Variants in MOB1A observed in about 807,000 individuals in gnomAD.
The protein encoded by MOB1A is MOB kinase activator 1A.
MOB1A carries 10 observed loss-of-function variants against 25.1 expected under a neutral mutation model. The ratio of observed to expected loss-of-function variants is 0.40; its 90% confidence interval spans 0.25 to 0.68. The LOEUF (loss-of-function observed/expected upper bound fraction) is 0.68. Among genes scored for constraint, MOB1A ranks in the 30% least tolerant of loss-of-function variants. MOB1A has a pLI of 0.40. For missense variants in MOB1A, 177 were observed against 256.3 expected (o/e 0.69, Z 2.11); for synonymous variants, 81 against 79.5 (o/e 1.02, Z -0.10).
intron 3 of MOB1A, 134 bp downstream of exon 3, chr2:74,166,880 G>A (rs1379983183): frequency 3.2e-6 from 2 of 618,282 alleles, no homozygotes; most frequent in South Asian, 4.3e-5. Context: ...AAAGCTTACA[G>A]GTGAGTAGTC....
At chr2:74,177,804 A>T (rs1324146097) in intron 1 of MOB1A, among the ~76,000 whole-genome samples, 1 of 152,216 alleles carries the variant, frequency 6.6e-6, no homozygotes, top group Non-Finnish European at 1.5e-5. Flanking sequence ...GTAGAGAGAG[A>T]CACCTGAGAA....
At chr2:74,174,147 T>C (rs555341475) in intron 1 of MOB1A, among the ~76,000 whole-genome samples, 1 of 150,842 alleles carries the variant, frequency 6.6e-6, no homozygotes, top group East Asian at 2.0e-4. Flanking sequence ...GGCACACGCC[T>C]GTAGTCCCAG....
At chr2:74,170,258 C>T (rs544118604) in intron 2 of MOB1A, among the ~76,000 whole-genome samples, 5 of 151,898 alleles carry the variant, frequency 3.3e-5, no homozygotes, top group Admixed American at 3.3e-4. Context: ...CCTGCCTCAG[C>T]CTCCAAGTAG....
intron 5 of MOB1A, among the ~76,000 whole-genome samples, 191 bp downstream of exon 5, chr2:74,158,900 G>A (rs1692879565): frequency 6.6e-6 from 1 of 152,088 alleles, no homozygotes; most frequent in African/African-American, 2.4e-5. Flanking sequence ...GCCCAAATGG[G>A]GGTGATACCT....
intron 4 of MOB1A, among the ~76,000 whole-genome samples, chr2:74,159,461 A>G (rs1692899453): frequency 6.6e-6 from 1 of 151,914 alleles, no homozygotes. Context: ...AATTTTTTGT[A>G]TTTTTTGTAG....
Position 74,156,541 on chromosome 2 carries a change from G to T in MOB1A, c.*27C>A, listed in dbSNP as rs1020287626. On this transcript the variant is annotated 3_prime_UTR_variant, in exon 6 of 6. Coordinates refer to ENST00000396049, the MANE Select transcript of MOB1A (RefSeq NM_018221.5). Reference sequence around the variant, plus strand: ...TAGTTCTAGCAATAGATGAAGCAAGGGGGTAACTGTGTTCTAGAAGAAACA... The same window carrying T: ...TAGTTCTAGCAATAGATGAAGCAAGTGGGTAACTGTGTTCTAGAAGAAACA... The T allele has an allele frequency of 6.8e-7, 1 of 1,460,198 alleles. No homozygotes were observed. The highest frequency in any genetic ancestry group is 2.0e-5 in the Admixed American group (1 of 50,762). 90.5% of individuals were successfully genotyped at this position (1,460,198 alleles called of 1,614,324 possible). A position where few individuals can be genotyped will look rare whatever the true frequency, so the allele number is the denominator to read the frequency against.
chr2:74,159,818 TCC>T lies in MOB1A; in HGVS notation c.410-566_410-565del, dbSNP rs59971449. On this transcript the variant is annotated intron_variant, in intron 4 of 5. Coordinates refer to ENST00000396049, the MANE Select transcript of MOB1A (RefSeq NM_018221.5). Reference sequence around the variant, plus strand: ...TGTAGTTTTAGTTTTTTGTTTTTTGTCCCCCCCCCCACCCCGGAGACTGAGCC... The same window carrying T: ...TGTAGTTTTAGTTTTTTGTTTTTTGTCCCCCCCCACCCCGGAGACTGAGCC... 2.2e-3 allele frequency among the ~76,000 whole-genome samples: 214 copies of T among 98,724 alleles called. 2 individuals carry two copies. Among genetic ancestry groups the T allele is most frequent in the African/African-American group, 8.2e-3 (208 of 25,450 alleles). 64.8% of individuals were successfully genotyped at this position (98,724 alleles called of 152,430 possible). A position where few individuals can be genotyped will look rare whatever the true frequency, so the allele number is the denominator to read the frequency against.
chr2:74,173,078 G>T (rs1475121139), intron 1 of MOB1A: 1 of 457,284 alleles, frequency 2.2e-6, no homozygotes, highest in Non-Finnish European at 4.4e-6. Context: ...AGAGGTTGCA[G>T]TAAGCTGAAA....
chr2:74,169,243 T>C (rs1448955084), intron 2 of MOB1A, among the ~76,000 whole-genome samples: 1 of 152,244 alleles, frequency 6.6e-6, no homozygotes, highest in African/African-American at 2.4e-5. Context: ...GGCTCACGCC[T>C]GTAATCCCAG....
chr2:74,165,050 T>C (rs947581828), intron 4 of MOB1A, 168 bp downstream of exon 4: 8 of 388,874 alleles, frequency 2.1e-5, no homozygotes, highest in African/African-American at 4.2e-5. Flanking sequence ...CTGGATACGG[T>C]GGCTCAAACC....
intron 4 of MOB1A, among the ~76,000 whole-genome samples, chr2:74,161,373 G>A (rs992168112): frequency 2.9e-4 from 44 of 152,214 alleles, no homozygotes; most frequent in Admixed American, 2.3e-3. Flanking sequence ...GCCGGGTGCA[G>A]TGGCTCATGC....
At position 74,166,997 on chromosome 2, in the gene MOB1A, A is replaced by G. The variant is rs1693148207; in HGVS notation, c.275+17T>C. 5 of 1,570,074 alleles carry G rather than the reference A, an allele frequency of 3.2e-6. No homozygotes were observed. The highest frequency in any genetic ancestry group is 4.4e-6 in the Non-Finnish European group (5 of 1,143,428). On this transcript the variant is annotated intron_variant, in intron 3 of 5. Transcript: ENST00000396049. ...TAAAACTAATCCAAACACCTATATA[A>G]TAGGCAGTATATGTACCTCGGACCT...
intron 3 of MOB1A, among the ~76,000 whole-genome samples, chr2:74,166,563 A>T (rs1330876598): frequency 6.6e-6 from 1 of 152,216 alleles, no homozygotes; most frequent in Admixed American, 6.5e-5. Context: ...GGCCAGGTGC[A>T]GTGGCTCACA....
At chr2:74,157,908 A>G (rs772095995) in intron 5 of MOB1A, among the ~76,000 whole-genome samples, 1 of 152,130 alleles carries the variant, frequency 6.6e-6, no homozygotes, top group Non-Finnish European at 1.5e-5. Flanking sequence ...AAGGCCGGGC[A>G]TGGTGGCTCA....
At chr2:74,159,326 GTCTC>G in intron 4 of MOB1A, 72 bp from the exon 5 acceptor site, 1 of 1,343,540 alleles carries the variant, frequency 7.4e-7, no homozygotes, top group Non-Finnish European at 1.0e-6. Context: ...TTGTGACAGG[GTCTC>G]ACTTTGTCAC....
In MOB1A at chr2:74,153,505, A is replaced by G. The variant is rs1459887154; in HGVS notation, c.*3063T>C. 1 of 152,258 alleles carries G rather than the reference A, an allele frequency of 6.6e-6. No individual in the cohort carries two copies. Among genetic ancestry groups the G allele is most frequent in the African/African-American group, 2.4e-5 (1 of 41,468 alleles). The allele number at this position is 152,258 out of a possible 1,614,324, so 9.4% of individuals were successfully genotyped here. A position where few individuals can be genotyped will look rare whatever the true frequency, so the allele number is the denominator to read the frequency against. ...GCAGCTATATAAGCTAGGGTTCTAC[A>G]AGCCTTAGATGAAAGGAAAAACTTT... On this transcript the variant is annotated 3_prime_UTR_variant, in exon 6 of 6. Transcript: ENST00000396049.
intron 4 of MOB1A, among the ~76,000 whole-genome samples, chr2:74,159,892 T>C (rs1265252372): frequency 2.1e-5 from 3 of 141,670 alleles, no homozygotes; most frequent in Non-Finnish European, 3.1e-5. Flanking sequence ...TCATGGTTCA[T>C]TGTTACCTCC....
rs749892234 is a variant in MOB1A, at chr2:74,156,257, T to C, written c.*311A>G. On this transcript the variant is annotated 3_prime_UTR_variant, in exon 6 of 6. Coordinates refer to ENST00000396049, the MANE Select transcript of MOB1A (RefSeq NM_018221.5). Reference sequence around the variant, plus strand: ...ATTTTCTTGTAAAGAAATGACTGAGTAAATGAGTAAAAGAATAATAAGTAA... The same window carrying C: ...ATTTTCTTGTAAAGAAATGACTGAGCAAATGAGTAAAAGAATAATAAGTAA... 17 of 227,972 alleles carry C rather than the reference T, an allele frequency of 7.5e-5. No individual in the cohort carries two copies. The highest frequency in any genetic ancestry group is 1.0e-4 in the Non-Finnish European group (12 of 117,114). 14.1% of individuals were successfully genotyped at this position (227,972 alleles called of 1,614,324 possible). A position where few individuals can be genotyped will look rare whatever the true frequency, so the allele number is the denominator to read the frequency against.
At chr2:74,176,487 G>A (rs1029587449) in intron 1 of MOB1A, among the ~76,000 whole-genome samples, 13 of 151,870 alleles carry the variant, frequency 8.6e-5, no homozygotes, top group Non-Finnish European at 1.2e-4. Context: ...AGGCAAGGCC[G>A]GGCGCAGTGG....
Sources: allele counts gnomAD v4.1 joint callset (sites outside exome capture counted in the v4.1 genomes callset), GRCh38; gene constraint gnomAD v4.1.1; transcripts MANE v1.5; gene names NCBI Gene and HGNC (gene_info 2026-07-23, HGNC 2026-07-21).